The following ATP8B4 variants were observed in gnomAD, a reference collection of about 807,000 sequenced individuals.
ATP8B4 encodes the protein probable phospholipid-transporting ATPase IM.
ATP8B4 carries 133 observed loss-of-function variants against 145.6 expected under a neutral mutation model. The ratio of observed to expected loss-of-function variants is 0.91; its 90% CI spans 0.79 to 1.05. The LOEUF (loss-of-function observed/expected upper bound fraction) is 1.05, where lower values mean the gene tolerates loss of function less well. Among genes scored for constraint, ATP8B4 ranks in the 50% least tolerant of loss-of-function variants. ATP8B4 has a pLI of 0.00. For synonymous variants in ATP8B4, 507 were observed against 492.9 expected (o/e 1.03, Z -0.38); for missense variants, 1,458 against 1,425.2 (o/e 1.02, Z -0.37).
intron 1 of ATP8B4, among the ~76,000 whole-genome samples, chr15:50,173,078 G>T (rs951190966): frequency 1.4e-5 from 2 of 146,002 alleles, no homozygotes; most frequent in African/African-American, 5.1e-5. Flanking sequence ...CGGGAGGTGG[G>T]GGGCAGCCCC....
chr15:49,871,880 ATGG>A (rs1163252483), intron 25 of ATP8B4, among the ~76,000 whole-genome samples: 1 of 152,140 alleles, frequency 6.6e-6, no homozygotes, highest in Non-Finnish European at 1.5e-5. Context: ...CTCAGAATTA[ATGG>A]TGGGAGTGGG....
intron 14 of ATP8B4, among the ~76,000 whole-genome samples, chr15:49,952,094 A>C (rs1324260730): frequency 3.9e-5 from 6 of 152,210 alleles, no homozygotes; most frequent in African/African-American, 1.4e-4. Flanking sequence ...CTCTGTGGGC[A>C]ACATGGCCTT....
At chr15:49,989,805 A>G (rs1417859559) in intron 9 of ATP8B4, among the ~76,000 whole-genome samples, 3 of 152,152 alleles carry the variant, frequency 2.0e-5, no homozygotes, top group Admixed American at 2.0e-4. Flanking sequence ...TTTAAGCTCT[A>G]TTAGCATAAA....
chr15:49,866,941 A>G (rs1343677333), intron 25 of ATP8B4, among the ~76,000 whole-genome samples: 1 of 152,216 alleles, frequency 6.6e-6, no homozygotes, highest in African/African-American at 2.4e-5. Context: ...TCTTTTTTAC[A>G]CCAATATCCC....
At chr15:50,061,530 T>C (rs1185944245) in intron 3 of ATP8B4, among the ~76,000 whole-genome samples, 1 of 152,210 alleles carries the variant, frequency 6.6e-6, no homozygotes, top group Non-Finnish European at 1.5e-5. Flanking sequence ...TCTGATTGAT[T>C]TTAATAAGCC....
chr15:50,021,129 T>C lies in ATP8B4; in HGVS notation c.363-10212A>G, dbSNP rs545100478. On this transcript the variant is annotated intron_variant, in intron 6 of 27. Coordinates refer to ENST00000284509, the MANE Select transcript of ATP8B4 (RefSeq NM_024837.4). ...AGTGATGGTGATTATGATAGATAGA[T>C]AGATAGATAGATAGATAGATAGATA... Among the ~76,000 whole-genome samples the C allele has an allele frequency of 1.2e-4, 16 of 129,824 alleles. No individual in the cohort carries two copies. The South Asian group carries it at 2.6e-3, about 21-fold the overall frequency. 85.2% of individuals were successfully genotyped at this position (129,824 alleles called of 152,430 possible).
chr15:50,028,894 C>T (rs1219173404), intron 6 of ATP8B4, among the ~76,000 whole-genome samples: 2 of 152,156 alleles, frequency 1.3e-5, no homozygotes, highest in Non-Finnish European at 2.9e-5. Context: ...TAACATGTCA[C>T]CACAAACTAT....
At chr15:49,985,901 C>T (rs2046563343) in intron 10 of ATP8B4, among the ~76,000 whole-genome samples, 1 of 152,132 alleles carries the variant, frequency 6.6e-6, no homozygotes, top group Non-Finnish European at 1.5e-5. Context: ...AAAAGTAAAG[C>T]TTCCGAAGTT....
intron 8 of ATP8B4, 58 bp downstream of exon 8, chr15:50,002,095 G>T (rs190075345): frequency 1.4e-6 from 2 of 1,385,366 alleles, no homozygotes; most frequent in Admixed American, 1.9e-5. Context: ...TATCTCTAAA[G>T]ACATTACTTT....
chr15:50,054,001 A>C (rs2052388043), intron 3 of ATP8B4, among the ~76,000 whole-genome samples: 2 of 152,242 alleles, frequency 1.3e-5, no homozygotes, highest in South Asian at 4.1e-4. Flanking sequence ...TTATAGGACT[A>C]TCATGGAAAT....
chr15:50,087,022 T>A (rs181647350), intron 2 of ATP8B4, among the ~76,000 whole-genome samples: 1 of 110,788 alleles, frequency 9.0e-6, no homozygotes. Flanking sequence ...TATATTATTA[T>A]ATATAATAAA....
chr15:50,008,551 T>C (rs927421592), intron 7 of ATP8B4, among the ~76,000 whole-genome samples: 7 of 152,238 alleles, frequency 4.6e-5, no homozygotes, highest in Non-Finnish European at 2.9e-5. Flanking sequence ...TTGCCTTCTG[T>C]ATTTCACTTC....
Position 49,887,989 on chromosome 15 carries a change from G to A in ATP8B4, c.2698-8530C>T, listed in dbSNP as rs552036933. On this transcript the variant is annotated intron_variant, in intron 23 of 27. Transcript: ENST00000284509. Reference sequence around the variant, plus strand: ...ATGAACTTACTACCTCTTTGGAGATGTGTATCCCCCTTTTCCTATGTGTTG... The same window carrying A: ...ATGAACTTACTACCTCTTTGGAGATATGTATCCCCCTTTTCCTATGTGTTG... Among the ~76,000 whole-genome samples, 7 of 152,344 alleles carry A rather than the reference G, an allele frequency of 4.6e-5. No individual in the cohort carries two copies. The South Asian group carries it at 1.2e-3, about 27-fold the overall frequency.
intron 23 of ATP8B4, among the ~76,000 whole-genome samples, chr15:49,889,208 A>C (rs1471418707): frequency 6.6e-6 from 1 of 152,074 alleles, no homozygotes; most frequent in Non-Finnish European, 1.5e-5. Flanking sequence ...CTGAAGTGGG[A>C]GCCAGGAGAC....
At chr15:49,897,255 C>G (rs760606964) in intron 23 of ATP8B4, 37 bp downstream of exon 23, 1 of 1,528,566 alleles carries the variant, frequency 6.5e-7, no homozygotes, top group South Asian at 1.2e-5. Flanking sequence ...CAAAAACAAA[C>G]AAACAAACAA....
chr15:50,172,760 G>A (rs942460635), intron 1 of ATP8B4, among the ~76,000 whole-genome samples: 10 of 150,056 alleles, frequency 6.7e-5, no homozygotes, highest in East Asian at 2.0e-4. Flanking sequence ...CCGCCGCCCC[G>A]TCTGAGATGT....
In ATP8B4 at chr15:49,918,825, C is replaced by A; in HGVS notation, c.2035+14G>T. On this transcript the variant is annotated intron_variant, in intron 19 of 27. Transcript: ENST00000284509. ...CCATTTTCAAAATATCATCAACATC[C>A]ATTTTCAAGTTACCTTGTTTGTCTC... 6.4e-7 allele frequency: 1 copy of A among 1,562,098 alleles called. No homozygotes were observed. The highest frequency in any genetic ancestry group is 8.8e-7 in the Non-Finnish European group (1 of 1,138,404).
At chr15:50,114,103 C>CTTTCTTTTTTTTTTT (rs1555494034) in intron 1 of ATP8B4, among the ~76,000 whole-genome samples, 11 of 55,658 alleles carry the variant, frequency 2.0e-4, no homozygotes, top group African/African-American at 4.0e-4. Flanking sequence ...CTCCTAGTTT[C>CTTTCTTTTTTTTTTT]TTTTTTTTTT....
At chr15:50,023,060 C>T (rs888142642) in intron 6 of ATP8B4, among the ~76,000 whole-genome samples, 16 of 152,080 alleles carry the variant, frequency 1.1e-4, no homozygotes, top group Non-Finnish European at 1.5e-4. Flanking sequence ...TTCTGGGAAA[C>T]ACTCTAAGTT....
Sources: allele counts gnomAD v4.1 joint callset (sites outside exome capture counted in the v4.1 genomes callset), GRCh38; gene constraint gnomAD v4.1.1; transcripts MANE v1.5; gene names NCBI Gene and HGNC (gene_info 2026-07-23, HGNC 2026-07-21).